Variants in EMP2 observed in about 807,000 individuals in gnomAD.
EMP2 encodes epithelial membrane protein 2.
In EMP2, 19 loss-of-function variants were observed where a neutral mutation model predicts 13.7. The ratio of observed to expected loss-of-function variants is 1.38; its 90% CI spans 0.97 to 2.03. EMP2 has a LOEUF of 2.03. Among genes scored for constraint, EMP2 ranks in the 30% most tolerant of loss-of-function variants. The pLI is 0.00. For missense variants in EMP2, 253 were observed against 220.7 expected (o/e 1.15, Z -0.93); for synonymous variants, 97 against 84.7 (o/e 1.15, Z -0.80).
rs761837614 is a variant in EMP2 at position 10,575,237 on chromosome 16, C to CTTTTTTTT, written c.-61+5304_-61+5311dup. 8.5e-3 allele frequency among the ~76,000 whole-genome samples: 445 copies of CTTTTTTTT among 52,460 alleles called. 83 individuals carry two copies. Among genetic ancestry groups the CTTTTTTTT allele is most frequent in the East Asian group, 0.021 (30 of 1,454 alleles). The allele number at this position is 52,460 out of a possible 152,430, so 34.4% of individuals were successfully genotyped here. ...TGGCCTTGGTCCTGGAGCTTGCATT[C>CTTTTTTTT]TTTTTTTTTTTTTTTTTTTTTTTTT... On this transcript the variant is annotated intron_variant, in intron 1 of 4. Coordinates refer to ENST00000359543, the MANE Select transcript of EMP2 (RefSeq NM_001424.6).
chr16:10,553,891 G>A (rs949454167), intron 1 of EMP2, among the ~76,000 whole-genome samples: 3 of 152,320 alleles, frequency 2.0e-5, no homozygotes, highest in South Asian at 2.1e-4. Flanking sequence ...TAGTGAAGGC[G>A]TTGAAGCAAA....
chr16:10,538,951 G>A (rs912556501), intron 3 of EMP2, among the ~76,000 whole-genome samples: 1 of 152,022 alleles, frequency 6.6e-6, no homozygotes, highest in Non-Finnish European at 1.5e-5. Context: ...GTGTAGCTGG[G>A]ACTACAGGCA....
At position 10,580,273 on chromosome 16, in the gene EMP2, C is replaced by T. The variant is rs2051018133; in HGVS notation, c.-61+276G>A. Among the ~76,000 whole-genome samples, 1 of 152,156 alleles carries T rather than the reference C, an allele frequency of 6.6e-6. No homozygotes were observed. The highest frequency in any genetic ancestry group is 1.5e-5 in the Non-Finnish European group (1 of 68,008). ...AGTCCGGCGGGGCGAGGGGAGGCGC[C>T]CTGACTCCTCCCCAAACTTTTCCCG... On this transcript the variant is annotated intron_variant, in intron 1 of 4. Coordinates refer to ENST00000359543, the MANE Select transcript of EMP2 (RefSeq NM_001424.6). The surrounding 1 kb of genome is among the most constrained non-coding windows in gnomAD (Gnocchi z 4.3).
intron 1 of EMP2, among the ~76,000 whole-genome samples, chr16:10,578,974 A>G (rs890544471): frequency 6.6e-6 from 1 of 152,178 alleles, no homozygotes; most frequent in Non-Finnish European, 1.5e-5. Context: ...AAAGAAGGGG[A>G]GGGCTTGGGA....
At chr16:10,558,229 G>C (rs1329079484) in intron 1 of EMP2, among the ~76,000 whole-genome samples, 1 of 152,082 alleles carries the variant, frequency 6.6e-6, no homozygotes, top group Non-Finnish European at 1.5e-5. Context: ...GTCTTGCTGT[G>C]TTGCCCAGGC....
intron 1 of EMP2, among the ~76,000 whole-genome samples, chr16:10,562,257 A>AT (rs966122159): frequency 3.3e-5 from 5 of 150,776 alleles, no homozygotes; most frequent in Admixed American, 6.6e-5. Flanking sequence ...TGGCCTTGTG[A>AT]TTTTTTTATC....
chr16:10,561,221 G>A (rs1319476057), intron 1 of EMP2, among the ~76,000 whole-genome samples: 1 of 152,200 alleles, frequency 6.6e-6, no homozygotes, highest in Non-Finnish European at 1.5e-5. Flanking sequence ...GGGACAGGAA[G>A]CAGAAGTAGC....
At chr16:10,562,209 T>A (rs933470424) in intron 1 of EMP2, among the ~76,000 whole-genome samples, 8 of 152,094 alleles carry the variant, frequency 5.3e-5, no homozygotes, top group African/African-American at 1.9e-4. Flanking sequence ...CATCAAGAGG[T>A]ACAATCCAAT....
At chr16:10,551,848 C>A (rs891483843) in intron 1 of EMP2, among the ~76,000 whole-genome samples, 1 of 152,146 alleles carries the variant, frequency 6.6e-6, no homozygotes, top group Non-Finnish European at 1.5e-5. Context: ...TCCCCATTAT[C>A]CCCCCACGGA....
intron 4 of EMP2, among the ~76,000 whole-genome samples, chr16:10,536,859 A>T (rs1048521786): frequency 1.3e-5 from 2 of 152,272 alleles, no homozygotes; most frequent in Middle Eastern, 3.4e-3. Context: ...GGGCTCAAGC[A>T]GTCCTCCTGC....
intron 1 of EMP2, among the ~76,000 whole-genome samples, chr16:10,571,700 A>G (rs889641952): frequency 4.6e-5 from 7 of 152,224 alleles, no homozygotes; most frequent in Admixed American, 3.3e-4. Flanking sequence ...GATACAGGTC[A>G]TGGAGCTTGT....
At chr16:10,538,153 T>TC in intron 3 of EMP2, 79 bp from the exon 4 acceptor site, 1 of 1,552,862 alleles carries the variant, frequency 6.4e-7, no homozygotes, top group Non-Finnish European at 8.8e-7. Flanking sequence ...CCGCAGCAGC[T>TC]CCAGAGTAGG....
chr16:10,537,081 C>T (rs768619020), intron 4 of EMP2, among the ~76,000 whole-genome samples: 1 of 152,136 alleles, frequency 6.6e-6, no homozygotes. Context: ...GGCCAAGCAG[C>T]CTAAGTTGGC....
rs2050590724 is a variant in EMP2 at position 10,530,547 on chromosome 16, C to T, written c.*2358G>A. On this transcript the variant is annotated 3_prime_UTR_variant, in exon 5 of 5. Transcript: ENST00000359543. ...CTGCTCCAACATAAGCAGAAAAAGA[C>T]AATGAGGTGCAAAGAGCTTATCTCC... 6.6e-6 allele frequency: 1 copy of T among 152,660 alleles called. No individual in the cohort carries two copies. Among genetic ancestry groups the T allele is most frequent in the Non-Finnish European group, 1.5e-5 (1 of 68,084 alleles). 9.5% of individuals were successfully genotyped at this position (152,660 alleles called of 1,614,324 possible). A position where few individuals can be genotyped will look rare whatever the true frequency, so the allele number is the denominator to read the frequency against.
At chr16:10,537,796 G>C in intron 4 of EMP2, 132 bp downstream of exon 4, 1 of 1,126,816 alleles carries the variant, frequency 8.9e-7, no homozygotes, top group Non-Finnish European at 1.3e-6. Context: ...ACACACACCG[G>C]CACACAGCAC....
rs111364972 is a variant in EMP2 at position 10,531,748 on chromosome 16, GATGA to G, written c.*1153_*1156del. The G allele has an allele frequency of 0.069, 10,549 of 151,892 alleles. 531 individuals carry two copies. Among genetic ancestry groups the G allele is most frequent in the African/African-American group, 0.14 (5,559 of 40,776 alleles). The allele number at this position is 151,892 out of a possible 1,614,324, so 9.4% of individuals were successfully genotyped here. A position where few individuals can be genotyped will look rare whatever the true frequency, so the allele number is the denominator to read the frequency against. ...ATGCATGCAAGTTATGATTTATGTT[GATGA>G]ATGAATGAATGAATGAATGAATGAA... On this transcript the variant is annotated 3_prime_UTR_variant, in exon 5 of 5. Transcript: ENST00000359543.
Position 10,568,895 on chromosome 16 carries a change from T to C in EMP2, c.-61+11654A>G, listed in dbSNP as rs559281209. On this transcript the variant is annotated intron_variant, in intron 1 of 4. Transcript: ENST00000359543. The stretch of plus-strand genomic sequence containing the variant: ...TCTGCCTCCCGGGTTCAAGCAATTC[T>C]TCTGCCTCAGCCTCCTGAGTAGCTG... Among the ~76,000 whole-genome samples the C allele has an allele frequency of 3.8e-4, 56 of 148,442 alleles. 1 individual carries two copies. In the South Asian group the frequency reaches 0.012, roughly 32 times the overall value.
At chr16:10,539,089 T>C (rs2050673974) in intron 3 of EMP2, among the ~76,000 whole-genome samples, 1 of 152,038 alleles carries the variant, frequency 6.6e-6, no homozygotes, top group African/African-American at 2.4e-5. Flanking sequence ...TAGAGTAAAC[T>C]CATCTACATA....
chr16:10,538,794 G>A (rs1004964308), intron 3 of EMP2, among the ~76,000 whole-genome samples: 2 of 152,080 alleles, frequency 1.3e-5, no homozygotes, highest in Non-Finnish European at 2.9e-5. Context: ...GTGGGCCTCA[G>A]TTTCCTCACC....
Sources: allele counts gnomAD v4.1 joint callset (sites outside exome capture counted in the v4.1 genomes callset), GRCh38; gene constraint gnomAD v4.1.1; non-coding constraint Gnocchi (gnomAD v3.1); transcripts MANE v1.5; gene names NCBI Gene and HGNC (gene_info 2026-07-23, HGNC 2026-07-21).